The following GPC6 variants were observed in gnomAD, a reference collection of about 807,000 sequenced individuals.
GPC6 encodes glypican 6.
Under a neutral mutation model 55.2 loss-of-function variants are expected in GPC6, and 14 were observed. The ratio of observed to expected loss-of-function variants is 0.25; its 90% CI spans 0.17 to 0.40. The LOEUF (loss-of-function observed/expected upper bound fraction) is 0.40, where lower values mean the gene tolerates loss of function less well. Ranked by LOEUF, GPC6 falls within the 10% of genes least tolerant of loss-of-function variation. The pLI, the probability that GPC6 is intolerant of heterozygous loss-of-function variation, is 1.00. For missense variants in GPC6, 641 were observed against 708.5 expected, an observed-to-expected ratio of 0.90 and a Z score of 1.08; for synonymous variants, 278 against 259.6, an observed-to-expected ratio of 1.07 and a Z score of -0.68.
At chr13:93,350,039 G>A (rs1236410357) in intron 1 of GPC6, among the ~76,000 whole-genome samples, 2 of 152,182 alleles carry the variant, frequency 1.3e-5, no homozygotes, top group African/African-American at 4.8e-5. Context: ...TTTTGAGACA[G>A]TACTTATTCT....
upstream of GPC6, among the ~76,000 whole-genome samples, chr13:93,223,012 G>A (rs1443348776): frequency 9.4e-6 from 1 of 106,306 alleles, no homozygotes; most frequent in Non-Finnish European, 2.0e-5. Context: ...TTTAATCAGG[G>A]AAAACACTTT....
chr13:93,536,095 A>G (rs966277186), intron 1 of GPC6, among the ~76,000 whole-genome samples: 3 of 152,146 alleles, frequency 2.0e-5, no homozygotes, highest in African/African-American at 7.2e-5. Flanking sequence ...GGAACACGGG[A>G]CTAGCATCCC....
At chr13:94,321,511 A>G (rs1025723149) in intron 6 of GPC6, among the ~76,000 whole-genome samples, 7 of 152,176 alleles carry the variant, frequency 4.6e-5, no homozygotes, top group African/African-American at 1.7e-4. Flanking sequence ...CATAATGGCT[A>G]AACTAATTTA....
At chr13:93,221,647 T>C in the GPC6 span, among the ~76,000 whole-genome samples, 5 of 152,240 alleles carry the variant, frequency 3.3e-5, no homozygotes, top group African/African-American at 1.2e-4. Context: ...AAGATGGAAA[T>C]GAAAGATTTT....
At chr13:93,590,266 G>A (rs1333717523) in intron 2 of GPC6, among the ~76,000 whole-genome samples, 1 of 152,082 alleles carries the variant, frequency 6.6e-6, no homozygotes, top group African/African-American at 2.4e-5. Context: ...TAATACCCAA[G>A]GTGTTAGTAG....
intron 1 of GPC6, among the ~76,000 whole-genome samples, chr13:93,358,116 G>A (rs1880913829): frequency 6.6e-6 from 1 of 152,164 alleles, no homozygotes; most frequent in Admixed American, 6.5e-5. Context: ...GGAGGCCAAG[G>A]CGGGAAGATC....
chr13:93,329,728 G>A (rs542521188), intron 1 of GPC6, among the ~76,000 whole-genome samples: 2 of 152,168 alleles, frequency 1.3e-5, no homozygotes, highest in African/African-American at 4.8e-5. Flanking sequence ...AACACCGCAA[G>A]CGTAAGTGGA....
intron 2 of GPC6, among the ~76,000 whole-genome samples, chr13:93,801,605 CA>C (rs1343377385): frequency 1.3e-5 from 2 of 152,168 alleles, no homozygotes; most frequent in East Asian, 3.9e-4. Flanking sequence ...GTGCTGGTAC[CA>C]TTTCCTCAGA....
chr13:93,841,750 G>T (rs1887963123), intron 3 of GPC6, among the ~76,000 whole-genome samples: 1 of 152,200 alleles, frequency 6.6e-6, no homozygotes, highest in Non-Finnish European at 1.5e-5. Flanking sequence ...CATGCTGCAT[G>T]TCAGAAATGC....
chr13:94,150,122 C>T (rs1454059257), intron 4 of GPC6, among the ~76,000 whole-genome samples: 1 of 152,096 alleles, frequency 6.6e-6, no homozygotes, highest in African/African-American at 2.4e-5. Flanking sequence ...TGCCATCTGC[C>T]TCTAAGTTGC....
At chr13:93,514,916 A>G (rs1881127335) in intron 1 of GPC6, among the ~76,000 whole-genome samples, 2 of 152,126 alleles carry the variant, frequency 1.3e-5, no homozygotes, top group Admixed American at 1.3e-4. Flanking sequence ...AAATTACATA[A>G]CTCATTGCTA....
chr13:94,057,229 T>G (rs1200968363), intron 4 of GPC6, among the ~76,000 whole-genome samples: 1 of 152,212 alleles, frequency 6.6e-6, no homozygotes, highest in East Asian at 1.9e-4. Flanking sequence ...GTATATCATA[T>G]TTGGGAAATA....
At chr13:94,288,941 A>C (rs1406605173) in intron 5 of GPC6, among the ~76,000 whole-genome samples, 1 of 7,790 alleles carries the variant, frequency 1.3e-4, no homozygotes, top group South Asian at 9.8e-3. Context: ...ATAGATAGAT[A>C]GATAGATAGA....
intron 1 of GPC6, among the ~76,000 whole-genome samples, chr13:93,417,272 C>T (rs756090233): frequency 5.3e-5 from 8 of 151,968 alleles, no homozygotes; most frequent in Non-Finnish European, 8.8e-5. Flanking sequence ...GTGACATAGC[C>T]TTGGAGTAAT....
chr13:93,812,997 G>A (rs1240977405), intron 2 of GPC6, among the ~76,000 whole-genome samples: 2 of 152,122 alleles, frequency 1.3e-5, no homozygotes, highest in Non-Finnish European at 2.9e-5. Flanking sequence ...GTAAATAATC[G>A]TATTCAGAGG....
chr13:93,721,732 A>C (rs1221263789), intron 2 of GPC6, among the ~76,000 whole-genome samples: 1 of 151,700 alleles, frequency 6.6e-6, no homozygotes, highest in Non-Finnish European at 1.5e-5. Flanking sequence ...CTTAGTCCTT[A>C]TGTGTCTGTG....
At chr13:93,814,212 T>A (rs1000542858) in intron 2 of GPC6, among the ~76,000 whole-genome samples, 1 of 152,342 alleles carries the variant, frequency 6.6e-6, no homozygotes, top group Middle Eastern at 3.4e-3. Flanking sequence ...CACTTCTTAT[T>A]TATACAGCGC....
chr13:93,769,890 T>G (rs371548123), intron 2 of GPC6, among the ~76,000 whole-genome samples: 1 of 152,200 alleles, frequency 6.6e-6, no homozygotes, highest in Admixed American at 6.5e-5. Flanking sequence ...TGCTTTGACT[T>G]GACTCCAGAC....
At chr13:94,277,911 C>T (rs181191315) in intron 4 of GPC6, among the ~76,000 whole-genome samples, 43 of 152,102 alleles carry the variant, frequency 2.8e-4, no homozygotes, top group Non-Finnish European at 2.9e-4. Flanking sequence ...TGTTCTTTGT[C>T]TTGGATGGGT....
Sources: allele counts gnomAD v4.1 joint callset (sites outside exome capture counted in the v4.1 genomes callset), GRCh38; gene constraint gnomAD v4.1.1; transcripts MANE v1.5; gene names NCBI Gene and HGNC (gene_info 2026-07-23, HGNC 2026-07-21).